The following ABCA9 variants were observed in gnomAD, a reference collection of about 807,000 sequenced individuals.
ABCA9 encodes the protein ATP-binding cassette sub-family A member 9.
ABCA9 carries 183 observed loss-of-function variants against 205.3 expected under a neutral mutation model. That is an observed-to-expected ratio of 0.89 (90% CI 0.79 to 1.01). The LOEUF (loss-of-function observed/expected upper bound fraction) is 1.01, where lower values mean the gene tolerates loss of function less well. Among genes scored for constraint, ABCA9 ranks in the 50% least tolerant of loss-of-function variants. The pLI, the probability that ABCA9 is intolerant of heterozygous loss-of-function variation, is 0.00. For synonymous variants in ABCA9, 651 were observed against 683.3 expected, an observed-to-expected ratio of 0.95 and a Z score of 0.74; for missense variants, 1,805 against 1,912.4, an observed-to-expected ratio of 0.94 and a Z score of 1.05.
At chr17:68,981,773 C>T (rs1245645151) in intron 37 of ABCA9, among the ~76,000 whole-genome samples, 4 of 146,816 alleles carry the variant, frequency 2.7e-5, no homozygotes, top group African/African-American at 1.0e-4. Context: ...GTGCAGTGAG[C>T]CGAGATTGTG....
intron 9 of ABCA9, 113 bp downstream of exon 9, chr17:69,033,613 T>C: frequency 1.2e-6 from 1 of 856,910 alleles, no homozygotes; most frequent in East Asian, 2.5e-5. Flanking sequence ...ATTAGGCTTG[T>C]TGTAGAAATT....
chr17:69,006,960 G>C (rs1394580121), intron 25 of ABCA9, among the ~76,000 whole-genome samples: 1 of 152,206 alleles, frequency 6.6e-6, no homozygotes, highest in African/African-American at 2.4e-5. Context: ...GGATAGAGCA[G>C]TGAAGTTGGG....
At position 69,035,274 on chromosome 17, in the gene ABCA9, G is replaced by A. The variant is rs762274176; in HGVS notation, c.1100C>T (p.Pro367Leu). Residue 367 changes from proline to leucine, a missense_variant, in exon 8 of 39, where the codon CCC (proline) becomes CTC (leucine). Transcript: ENST00000340001. ...GGCCATCCCAACAGTGAAGGCAAAG[G>A]GGCTAAGAAGACACAAAGTCCATTC... ...FLEWTLCLLS[P>L]FAFTVGMAQL... is the part of the protein sequence containing the mutation. 6.3e-7 allele frequency: 1 copy of A among 1,597,792 alleles called. No individual in the cohort carries two copies.
rs1389682413 is a variant in ABCA9 at position 68,975,527 on chromosome 17, G to C, written c.*388C>G. On this transcript the variant is annotated 3_prime_UTR_variant, in exon 39 of 39. Transcript: ENST00000340001. The stretch of plus-strand genomic sequence containing the variant: ...ACTCCCCTTACCCGGAAGTCAATAG[G>C]GTGTCTTAATTTATACTTTAATCAA... 6.6e-6 allele frequency: 1 copy of C among 150,842 alleles called. No homozygotes were observed. The highest frequency in any genetic ancestry group is 1.4e-5 in the Non-Finnish European group (1 of 69,680). The allele number at this position is 150,842 out of a possible 1,614,324, so 9.3% of individuals were successfully genotyped here.
At chr17:69,025,230 C>T (rs560521117) in intron 16 of ABCA9, among the ~76,000 whole-genome samples, 40 of 152,268 alleles carry the variant, frequency 2.6e-4, no homozygotes, top group Non-Finnish European at 5.0e-4. Flanking sequence ...TTCATTCACT[C>T]AATATTTCTT....
chr17:68,985,158 C>A (rs1598331491), intron 32 of ABCA9, 30 bp from the exon 33 acceptor site: 1 of 1,614,112 alleles, frequency 6.2e-7, no homozygotes, highest in Non-Finnish European at 8.5e-7. Context: ...TCCACATAAT[C>A]CCAACACTGG....
At chr17:68,980,933 A>G (rs1358383983) in intron 37 of ABCA9, among the ~76,000 whole-genome samples, 1 of 152,074 alleles carries the variant, frequency 6.6e-6, no homozygotes, top group Non-Finnish European at 1.5e-5. Context: ...AAAACTAAAA[A>G]AAAAAAAAAG....
chr17:69,018,294 C>T (rs1030094302), intron 20 of ABCA9, 119 bp downstream of exon 20: 14 of 849,388 alleles, frequency 1.6e-5, no homozygotes, highest in Middle Eastern at 2.6e-4. Context: ...TTCTGTTTGG[C>T]CTCATATATG....
chr17:69,026,646 A>G (rs1367336562), intron 15 of ABCA9, among the ~76,000 whole-genome samples, 179 bp from the exon 16 acceptor site: 1 of 152,218 alleles, frequency 6.6e-6, no homozygotes, highest in Non-Finnish European at 1.5e-5. Flanking sequence ...TGAGTGATAA[A>G]TTATGTCAAC....
Position 69,023,552 on chromosome 17 carries a change from C to G in ABCA9, c.2281+662G>C, listed in dbSNP as rs1270139394. ...TGTCATGCTTATTGATTCAAGCATGCAGCAATGGCCCCGGTATAATTTCTT... is the reference window on the plus strand; with the variant it reads ...TGTCATGCTTATTGATTCAAGCATGGAGCAATGGCCCCGGTATAATTTCTT... On this transcript the variant is annotated intron_variant, in intron 17 of 38. Transcript: ENST00000340001. This position sits in a 1 kb window ranked among gnomAD's most constrained non-coding sequence, Gnocchi z 4.2. 6.6e-6 allele frequency among the ~76,000 whole-genome samples: 1 copy of G among 152,144 alleles called. No homozygotes were observed. The highest frequency in any genetic ancestry group is 6.5e-5 in the Admixed American group (1 of 15,268).
intron 3 of ABCA9, among the ~76,000 whole-genome samples, chr17:69,045,635 G>A (rs908977219): frequency 1.3e-5 from 2 of 152,052 alleles, no homozygotes; most frequent in African/African-American, 4.8e-5. Context: ...GATTTATAAA[G>A]AAAGAAGTTT....
At chr17:69,069,372 C>T in the ABCA9 span, among the ~76,000 whole-genome samples, 1 of 152,100 alleles carries the variant, frequency 6.6e-6, no homozygotes, top group Non-Finnish European at 1.5e-5. Context: ...TTCCTGGGGT[C>T]AGTCCCCTTA....
At chr17:69,005,545 T>C (rs2070096740) in intron 25 of ABCA9, among the ~76,000 whole-genome samples, 1 of 152,196 alleles carries the variant, frequency 6.6e-6, no homozygotes, top group African/African-American at 2.4e-5. Context: ...TCAACTAAGT[T>C]TTCCTCATCA....
At chr17:69,049,590 T>A in intron 2 of ABCA9, 100 bp from the exon 3 acceptor site, 1 of 959,010 alleles carries the variant, frequency 1.0e-6, no homozygotes, top group Non-Finnish European at 1.5e-6. Context: ...GTTATTTGGC[T>A]TGCATTCCAT....
upstream of ABCA9, among the ~76,000 whole-genome samples, chr17:69,063,613 TTTTTTG>T (rs2072307669): frequency 6.9e-6 from 1 of 145,664 alleles, no homozygotes; most frequent in African/African-American, 2.5e-5. Flanking sequence ...GTGTTTGTTT[TTTTTTG>T]TGTGTGTGTG....
chr17:69,030,890 A>C (rs2071129497), intron 10 of ABCA9, among the ~76,000 whole-genome samples: 1 of 152,142 alleles, frequency 6.6e-6, no homozygotes, highest in Admixed American at 6.5e-5. Context: ...TCTGCCTTCT[A>C]TACTGAGAGG....
intron 22 of ABCA9, among the ~76,000 whole-genome samples, chr17:69,015,584 T>C (rs1381908128): frequency 1.3e-5 from 2 of 152,028 alleles, no homozygotes; most frequent in Non-Finnish European, 2.9e-5. Context: ...CCAAGAAAAA[T>C]AGTTTTAATA....
At chr17:68,997,707 A>G (rs8068236) in intron 25 of ABCA9, among the ~76,000 whole-genome samples, 1 of 151,090 alleles carries the variant, frequency 6.6e-6, no homozygotes, top group Non-Finnish European at 1.5e-5. Context: ...TCATATACCC[A>G]CTGCCCTCAT....
At chr17:69,067,831 GAACTA>G in the ABCA9 span, among the ~76,000 whole-genome samples, 2 of 152,160 alleles carry the variant, frequency 1.3e-5, no homozygotes, top group Non-Finnish European at 2.9e-5. Flanking sequence ...GGGTTTGAAA[GAACTA>G]AACATTGCTG....
Sources: allele counts gnomAD v4.1 joint callset (sites outside exome capture counted in the v4.1 genomes callset), GRCh38; gene constraint gnomAD v4.1.1; non-coding constraint Gnocchi (gnomAD v3.1); transcripts MANE v1.5; gene names NCBI Gene and HGNC (gene_info 2026-07-23, HGNC 2026-07-21).